The following RIPOR2 variants were observed in gnomAD, a reference collection of about 807,000 sequenced individuals.
The protein encoded by RIPOR2 is rho family-interacting cell polarization regulator 2.
RIPOR2 carries 39 observed loss-of-function variants against 114.5 expected under a neutral mutation model. That is an observed-to-expected ratio of 0.34 (90% CI 0.26 to 0.44). The LOEUF (loss-of-function observed/expected upper bound fraction) is 0.44. RIPOR2 is among the 20% of genes least tolerant of loss of function. The pLI is 1.00. For synonymous variants in RIPOR2, 445 were observed against 484.4 expected (o/e 0.92, Z 1.07); for missense variants, 1,007 against 1,255.1 (o/e 0.80, Z 2.99).
At chr6:24,889,857 A>C (rs2113963922) in intron 1 of RIPOR2, among the ~76,000 whole-genome samples, 1 of 152,194 alleles carries the variant, frequency 6.6e-6, no homozygotes, top group African/African-American at 2.4e-5. Context: ...TGCATCAAAA[A>C]GATACCTGCA....
chr6:24,811,033 G>A (rs1417262162), intron 20 of RIPOR2, among the ~76,000 whole-genome samples: 2 of 137,728 alleles, frequency 1.5e-5, no homozygotes, highest in African/African-American at 6.3e-5. Flanking sequence ...TCAAACTCCT[G>A]ACCTCAGGTG....
chr6:24,920,023 C>T (rs908248519), intron 1 of RIPOR2, among the ~76,000 whole-genome samples: 3 of 152,128 alleles, frequency 2.0e-5, no homozygotes, highest in African/African-American at 4.8e-5. Flanking sequence ...CAATTATTCC[C>T]CAGAATTAGA....
intron 6 of RIPOR2, among the ~76,000 whole-genome samples, chr6:24,866,532 T>C (rs1216547601): frequency 2.0e-5 from 3 of 151,782 alleles, no homozygotes; most frequent in Middle Eastern, 3.4e-3. Context: ...TTTTTTTTTT[T>C]TTTTTGAGAT....
chr6:24,807,455 G>A (rs896506532), intron 21 of RIPOR2, among the ~76,000 whole-genome samples: 2 of 152,194 alleles, frequency 1.3e-5, no homozygotes, highest in Non-Finnish European at 2.9e-5. Context: ...CTGGGTGATA[G>A]AGAGAGACTC....
intron 1 of RIPOR2, among the ~76,000 whole-genome samples, chr6:24,969,078 G>A (rs543893537): frequency 6.6e-6 from 1 of 152,270 alleles, no homozygotes; most frequent in East Asian, 1.9e-4. Flanking sequence ...GGTATTCTAG[G>A]GCAGTGGTTC....
At chr6:24,852,071 C>T (rs1004361358) in intron 9 of RIPOR2, among the ~76,000 whole-genome samples, 1 of 151,944 alleles carries the variant, frequency 6.6e-6, no homozygotes, top group Non-Finnish European at 1.5e-5. Context: ...ACCAGCCTGG[C>T]CAACATGGTG....
At chr6:24,899,717 A>G (rs1159832449) in intron 1 of RIPOR2, among the ~76,000 whole-genome samples, 1 of 152,222 alleles carries the variant, frequency 6.6e-6, no homozygotes, top group African/African-American at 2.4e-5. Flanking sequence ...GGATCAGACA[A>G]AAGTCCTCAC....
At chr6:24,824,642 A>T (rs1035745331) in intron 19 of RIPOR2, among the ~76,000 whole-genome samples, 1 of 152,224 alleles carries the variant, frequency 6.6e-6, no homozygotes, top group African/African-American at 2.4e-5. Context: ...TCTTCCCTGG[A>T]AGTAAGAGTG....
Position 24,850,707 on chromosome 6 carries a change from C to T in RIPOR2, c.775G>A (p.Gly259Ser), listed in dbSNP as rs1762800501. The change falls in exon 10 of 22, where the codon GGC becomes AGC. Residue 259 changes from glycine to serine, a missense_variant. Physicochemically the swap from Gly to Ser is moderately conservative, Grantham distance 56 (BLOSUM62 0). Transcript: ENST00000643898. ...GDQYEIFMKY[G>S]RQRWKLKGKI... The stretch of plus-strand genomic sequence containing the variant: ...CCTTTCAGTTTCCACCGCTGCCGGC[C>T]ATACTTCATGAAAATCTGGAGAGGA... 6.2e-7 allele frequency: 1 copy of T among 1,613,818 alleles called. No individual in the cohort carries two copies. The highest frequency in any genetic ancestry group is 1.1e-5 in the South Asian group (1 of 91,082).
In RIPOR2 at chr6:24,913,648, A is replaced by C. The variant is rs112192285; in HGVS notation, c.61+22190T>G. Among the ~76,000 whole-genome samples, 262 of 152,270 alleles carry C rather than the reference A, an allele frequency of 1.7e-3. 1 individual carries two copies. Among genetic ancestry groups the C allele is most frequent in the Middle Eastern group, 0.014 (4 of 294 alleles). On this transcript the variant is annotated intron_variant, in intron 1 of 21. Coordinates refer to ENST00000643898, the MANE Select transcript of RIPOR2 (RefSeq NM_001286445.3). ...ACCAGGTCTCCTAGAGCTTAGTCTA[A>C]AGGTCTTCACACCGCCTCTCCAATC...
At chr6:25,011,458 A>C (rs980886259) in intron 1 of RIPOR2, among the ~76,000 whole-genome samples, 1 of 152,186 alleles carries the variant, frequency 6.6e-6, no homozygotes, top group Non-Finnish European at 1.5e-5. Flanking sequence ...TGAACTCTAG[A>C]ATATGTCACA....
rs545822694 is a variant in RIPOR2, at chr6:24,805,005, G to C, written c.*1368C>G. ...CCAGTGAGTGATTTCCCTGGGGGCA[G>C]TAACCACCCCTCAGGATGTCCTTCT... On this transcript the variant is annotated 3_prime_UTR_variant, in exon 22 of 22. Transcript: ENST00000643898. 4 of 152,272 alleles carry C rather than the reference G, an allele frequency of 2.6e-5. No homozygotes were observed. The South Asian group carries it at 8.3e-4, about 32-fold the overall frequency. 9.4% of individuals were successfully genotyped at this position (152,272 alleles called of 1,614,324 possible). A position where few individuals can be genotyped will look rare whatever the true frequency, so the allele number is the denominator to read the frequency against.
intron 1 of RIPOR2, among the ~76,000 whole-genome samples, chr6:25,005,702 T>TAG (rs1775523871): frequency 4.2e-5 from 2 of 47,522 alleles, no homozygotes; most frequent in Non-Finnish European, 8.6e-5. Context: ...GAGATATATA[T>TAG]ATATATATAT....
intron 1 of RIPOR2, among the ~76,000 whole-genome samples, chr6:25,002,170 C>G (rs562412567): frequency 1.7e-4 from 26 of 152,324 alleles, no homozygotes; most frequent in Non-Finnish European, 3.4e-4. Context: ...GTGTGCCAAC[C>G]TTTTCCTTAG....
At chr6:24,817,449 T>A (rs1203367477) in intron 20 of RIPOR2, among the ~76,000 whole-genome samples, 3 of 19,716 alleles carry the variant, frequency 1.5e-4, no homozygotes, top group African/African-American at 2.6e-4. Flanking sequence ...ATTTTCCAGG[T>A]GCGTCCGTCA....
chr6:24,930,611 A>G (rs1771311346), intron 1 of RIPOR2, among the ~76,000 whole-genome samples: 1 of 152,134 alleles, frequency 6.6e-6, no homozygotes, highest in African/African-American at 2.4e-5. Flanking sequence ...ATGGGAAGAG[A>G]ATGTTTTGCA....
At chr6:24,862,977 G>T (rs1764222232) in intron 7 of RIPOR2, among the ~76,000 whole-genome samples, 1 of 152,034 alleles carries the variant, frequency 6.6e-6, no homozygotes, top group Admixed American at 6.6e-5. Context: ...TTTTGAGATA[G>T]AGTCTCTATC....
chr6:25,023,655 C>G, intron 1 of RIPOR2: 1 of 762,672 alleles, frequency 1.3e-6, no homozygotes, highest in Non-Finnish European at 2.4e-6. Flanking sequence ...TCATAGATAC[C>G]TCGGGACTTC....
intron 15 of RIPOR2, 149 bp from the exon 16 acceptor site, chr6:24,832,540 G>GCC (rs1760770039): frequency 2.8e-6 from 2 of 705,440 alleles, no homozygotes; most frequent in Admixed American, 5.6e-5. Flanking sequence ...CTCATTCCAT[G>GCC]CCAGTTACAA....
Sources: gnomAD v4.1 joint callset for allele counts (sites outside exome capture counted in the v4.1 genomes callset) on GRCh38, gnomAD v4.1.1 for gene constraint, MANE v1.5 for transcripts, NCBI Gene and HGNC (gene_info 2026-07-23, HGNC 2026-07-21) for gene names.